Variants in LSR observed in about 807,000 individuals in gnomAD.
LSR encodes lipolysis-stimulated lipoprotein receptor.
LSR carries 44 observed loss-of-function variants against 61.8 expected under a neutral mutation model. The ratio of observed to expected loss-of-function variants is 0.71; its 90% confidence interval spans 0.56 to 0.91. The LOEUF is 0.91. Among genes scored for constraint, LSR ranks in the 40% least tolerant of loss-of-function variants. The pLI is 0.00. For synonymous variants in LSR, 397 were observed against 350.6 expected (o/e 1.13, Z -1.48); for missense variants, 911 against 830.5 (o/e 1.10, Z -1.19).
intron 2 of LSR, among the ~76,000 whole-genome samples, chr19:35,252,648 CA>C (rs57052855): frequency 0.14 from 10,236 of 74,764 alleles, 264 homozygotes; most frequent in East Asian, 0.22. Flanking sequence ...GACTCTGTCT[CA>C]AAAAAAAAAA....
In LSR at chr19:35,266,399, C is replaced by T; in HGVS notation, c.819C>T (p.Ser273=). The part of the protein sequence containing the change: ...AGKAATSGVP[S]IYAPSTYAHL... The stretch of plus-strand genomic sequence containing the variant: ...AAGCAGCCACCTCAGGTGTTCCCAG[C>T]ATTTATGCCCCCAGCACCTATGCCC... Residue 273 remains serine (S), a synonymous_variant, in exon 6 of 10, where the codon AGC becomes AGT. Transcript: ENST00000605618. 3.1e-6 allele frequency: 5 copies of T among 1,602,932 alleles called. No homozygotes were observed. The highest frequency in any genetic ancestry group is 3.4e-6 in the Non-Finnish European group (4 of 1,174,900).
intron 2 of LSR, among the ~76,000 whole-genome samples, chr19:35,257,874 T>C (rs2065875234): frequency 6.6e-6 from 1 of 152,098 alleles, no homozygotes; most frequent in Admixed American, 6.5e-5. Context: ...CTGCAGCTGC[T>C]TCAGACAAGA....
At chr19:35,261,329 A>G (rs902093737) in intron 3 of LSR, among the ~76,000 whole-genome samples, 1 of 152,226 alleles carries the variant, frequency 6.6e-6, no homozygotes, top group Non-Finnish European at 1.5e-5. Flanking sequence ...ATGTTGTCAC[A>G]AAGAGTTTAT....
chr19:35,262,455 C>G (rs568657777), intron 4 of LSR, 91 bp from the exon 5 acceptor site: 1 of 1,442,814 alleles, frequency 6.9e-7, no homozygotes, highest in East Asian at 2.3e-5. Flanking sequence ...TCCCCGACCT[C>G]AGTGCTGGCT....
chr19:35,257,210 A>ACCCCTGTCTGTCT (rs1190251955), intron 2 of LSR, among the ~76,000 whole-genome samples: 3 of 152,154 alleles, frequency 2.0e-5, no homozygotes, highest in Non-Finnish European at 4.4e-5. Context: ...GCTGAGACAG[A>ACCCCTGTCTGTCT]CAGGGCTCTG....
Position 35,267,430 on chromosome 19 carries a change from A to C in LSR, c.1466A>C (p.Gln489Pro). The C allele has an allele frequency of 6.2e-7, 1 of 1,610,804 alleles. No individual in the cohort carries two copies. Among genetic ancestry groups the C allele is most frequent in the Non-Finnish European group, 8.5e-7 (1 of 1,179,410 alleles). The change falls in exon 9 of 10, where the codon CAA becomes CCA. Residue 489 changes from glutamine (Q) to proline (P), a missense_variant. Coordinates refer to ENST00000605618, the MANE Select transcript of LSR (RefSeq NM_205834.4). ...RSRSRDDLYDQDDSRDFPRSR... is the reference protein window; with the variant it reads ...RSRSRDDLYDPDDSRDFPRSR... ...CGCAGCCGGGACGACCTCTATGACC[A>C]AGACGACTCGAGGGACTTCCCACGC...
intron 5 of LSR, among the ~76,000 whole-genome samples, chr19:35,263,421 T>A (rs1273219975): frequency 6.6e-6 from 1 of 152,198 alleles, no homozygotes; most frequent in Admixed American, 6.5e-5. Context: ...TGCAGTGCGA[T>A]CATAGCTCTC....
At chr19:35,249,164 CG>C (rs1568438629) in intron 1 of LSR, 33 bp downstream of exon 1, 1 of 1,515,440 alleles carries the variant, frequency 6.6e-7, no homozygotes, top group Non-Finnish European at 8.8e-7. Flanking sequence ...CGCTGCGGAA[CG>C]CCGGAGGGAA....
At position 35,261,902 on chromosome 19, in the gene LSR, C is replaced by CT. The variant is rs1190328393; in HGVS notation, c.575-22dup. ...CTGGGCTGGCTCTGGCCAGCATAAT[C>CT]TGTTTCTCTTTTGTCCCTCCAGGGA... On this transcript the variant is annotated intron_variant, in intron 3 of 9. Transcript: ENST00000605618. 6 of 1,434,090 alleles carry CT rather than the reference C, an allele frequency of 4.2e-6. No homozygotes were observed. In the African/African-American group the frequency reaches 8.9e-5, roughly 21 times the overall value. 88.8% of individuals were successfully genotyped at this position (1,434,090 alleles called of 1,614,324 possible).
Position 35,262,606 on chromosome 19 carries a change from T to C in LSR, c.692T>C (p.Ile231Thr), listed in dbSNP as rs749649646. 1.2e-6 allele frequency: 2 copies of C among 1,614,102 alleles called. No homozygotes were observed. Among genetic ancestry groups the C allele is most frequent in the African/African-American group, 2.7e-5 (2 of 74,946 alleles). Residue 231 changes from isoleucine to threonine, a missense_variant, in exon 5 of 10, where the codon ATC becomes ACC. Physicochemically the swap from Ile to Thr is moderately conservative, Grantham distance 89. Transcript: ENST00000605618. Reference sequence around the variant, plus strand: ...TTCCTCATCTTCCTCCTCCTGGGCATCTGCTGGTGCCAGTGCTGCCCGCAC... The same window carrying C: ...TTCCTCATCTTCCTCCTCCTGGGCACCTGCTGGTGCCAGTGCTGCCCGCAC... ...AAFLIFLLLG[I>T]CWCQCCPHTC... is the part of the protein sequence containing the mutation.
intron 2 of LSR, among the ~76,000 whole-genome samples, chr19:35,256,249 A>G (rs1419766008): frequency 6.6e-6 from 1 of 151,276 alleles, no homozygotes; most frequent in Non-Finnish European, 1.5e-5. Context: ...AAAAAAAAAA[A>G]TTAAGAGCTC....
At position 35,261,982 on chromosome 19, in the gene LSR, G is replaced by A; in HGVS notation, c.631+1G>A. ...GGTTTTCAGGCGGGGCCCATAGAAG[G>A]TACGGGGGGTGGATCCTGAGTTGGG... On this transcript the variant is annotated splice_donor_variant, in intron 4 of 9. Transcript: ENST00000605618. LOFTEE classifies it high-confidence loss of function. 1 of 1,517,902 alleles carries A rather than the reference G, an allele frequency of 6.6e-7. No homozygotes were observed. Among genetic ancestry groups the A allele is most frequent in the Non-Finnish European group, 8.7e-7 (1 of 1,144,274 alleles). 94.0% of individuals were successfully genotyped at this position (1,517,902 alleles called of 1,614,324 possible).
At chr19:35,263,799 A>C (rs945603040) in intron 5 of LSR, among the ~76,000 whole-genome samples, 2 of 151,566 alleles carry the variant, frequency 1.3e-5, no homozygotes, top group Non-Finnish European at 2.9e-5. Flanking sequence ...CCTGGCCTTA[A>C]ACTTAAGCAA....
intron 2 of LSR, 137 bp from the exon 3 acceptor site, chr19:35,258,808 T>G: frequency 9.6e-7 from 1 of 1,039,140 alleles, no homozygotes. Flanking sequence ...AATCTTTGCA[T>G]ATGCATTTGA....
chr19:35,257,758 C>G (rs1283696865), intron 2 of LSR, among the ~76,000 whole-genome samples: 4 of 152,208 alleles, frequency 2.6e-5, no homozygotes, highest in African/African-American at 9.6e-5. Context: ...GCCCTGGTCC[C>G]ACCCTGGTGA....
Position 35,266,527 on chromosome 19 carries a change from G to GCTC in LSR, c.948_950dup (p.Ser317dup), listed in dbSNP as rs2066001650. On this transcript the variant is annotated inframe_insertion, in exon 6 of 10. Coordinates refer to ENST00000605618, the MANE Select transcript of LSR (RefSeq NM_205834.4). ...TACCCTGGAGACGTTGACAGGAGTA[G>GCTC]CTCAGGTGAGGCCGGGGGAAGCAGG... is the stretch of plus-strand genomic sequence containing the variant. 1 of 1,603,006 alleles carries GCTC rather than the reference G, an allele frequency of 6.2e-7. No individual in the cohort carries two copies.
intron 5 of LSR, 93 bp downstream of exon 5, chr19:35,262,785 T>C (rs1254727483): frequency 1.3e-6 from 2 of 1,508,038 alleles, no homozygotes; most frequent in East Asian, 4.6e-5. Context: ...GACAGTGGCG[T>C]TGGTCTGGAG....
At position 35,262,694 on chromosome 19, in the gene LSR, T is replaced by C. The variant is rs201266896; in HGVS notation, c.778+2T>C. On this transcript the variant is annotated splice_donor_variant, in intron 5 of 9. Transcript: ENST00000605618. LOFTEE classifies it high-confidence loss of function. Reference sequence around the variant, plus strand: ...ACAAGTGCTGCTGCCCCGAGGCCCGTAAGTGTCCCGCTCATGGCCACCCTG... The same window carrying C: ...ACAAGTGCTGCTGCCCCGAGGCCCGCAAGTGTCCCGCTCATGGCCACCCTG... The C allele has an allele frequency of 6.2e-7, 1 of 1,612,990 alleles. No homozygotes were observed. Among genetic ancestry groups the C allele is most frequent in the African/African-American group, 1.3e-5 (1 of 75,014 alleles).
chr19:35,260,323 G>A (rs550981096), intron 3 of LSR, among the ~76,000 whole-genome samples: 12 of 122,058 alleles, frequency 9.8e-5, no homozygotes, highest in African/African-American at 1.5e-4. Flanking sequence ...ATGGAGTCTC[G>A]TTCTGTCGCC....
Sources: gnomAD v4.1 joint callset for allele counts (sites outside exome capture counted in the v4.1 genomes callset) on GRCh38, gnomAD v4.1.1 for gene constraint, MANE v1.5 for transcripts, NCBI Gene and HGNC (gene_info 2026-07-23, HGNC 2026-07-21) for gene names.